The following CNTN5 variants were observed in gnomAD, a reference collection of about 807,000 sequenced individuals.
CNTN5 encodes the protein contactin-5.
A neutral mutation model predicts 129.1 loss-of-function variants in CNTN5; 77 were observed. That is an observed-to-expected ratio of 0.60 (90% CI 0.50 to 0.72). The LOEUF (loss-of-function observed/expected upper bound fraction) is 0.72. Among genes scored for constraint, CNTN5 ranks in the 30% least tolerant of loss-of-function variants. The probability of loss-of-function intolerance (pLI) is 0.00; values close to 1 mark genes in which losing one functional copy is unlikely to be tolerated. For synonymous variants in CNTN5, 509 were observed against 465.6 expected (o/e 1.09, Z -1.20); for missense variants, 1,478 against 1,328.8 (o/e 1.11, Z -1.75).
intron 3 of CNTN5, among the ~76,000 whole-genome samples, chr11:99,763,162 T>A (rs1408364790): frequency 1.3e-5 from 2 of 152,102 alleles, no homozygotes; most frequent in African/African-American, 2.4e-5. Context: ...TTTTTCATAT[T>A]TACTTAAATG....
At chr11:99,473,973 G>A (rs1293152463) in intron 2 of CNTN5, among the ~76,000 whole-genome samples, 1 of 151,950 alleles carries the variant, frequency 6.6e-6, no homozygotes, top group East Asian at 1.9e-4. Context: ...TTTGGCCAGG[G>A]CTACTACTTT....
At chr11:99,031,770 T>G (rs1863386323) in intron 1 of CNTN5, among the ~76,000 whole-genome samples, 1 of 152,138 alleles carries the variant, frequency 6.6e-6, no homozygotes, top group Non-Finnish European at 1.5e-5. Flanking sequence ...CTTTCTTTTT[T>G]TTTTTATTAT....
At chr11:100,287,216 A>G (rs948813454) in intron 18 of CNTN5, among the ~76,000 whole-genome samples, 16 of 152,360 alleles carry the variant, frequency 1.1e-4, no homozygotes, top group Middle Eastern at 3.4e-3. Context: ...TCCCCAATCT[A>G]GCAAGGCAGG....
At chr11:99,156,230 A>G (rs964749398) in intron 1 of CNTN5, among the ~76,000 whole-genome samples, 2 of 152,094 alleles carry the variant, frequency 1.3e-5, no homozygotes, top group Non-Finnish European at 2.9e-5. Context: ...AAGTTGATTA[A>G]GAATGTGCAA....
At chr11:99,922,490 A>C (rs1249926486) in intron 7 of CNTN5, among the ~76,000 whole-genome samples, 1 of 152,218 alleles carries the variant, frequency 6.6e-6, no homozygotes, top group African/African-American at 2.4e-5. Context: ...GATTGATATT[A>C]TGAAATTAGT....
chr11:99,425,784 AG>A (rs1483342268), intron 2 of CNTN5, among the ~76,000 whole-genome samples: 2 of 152,222 alleles, frequency 1.3e-5, no homozygotes, highest in Admixed American at 1.3e-4. Context: ...GGCTCCTGCC[AG>A]CTCAGTAGGG....
chr11:99,621,117 C>T (rs1178149798), intron 3 of CNTN5, among the ~76,000 whole-genome samples: 1 of 151,920 alleles, frequency 6.6e-6, no homozygotes, highest in East Asian at 1.9e-4. Context: ...TTGTAAGGGC[C>T]CTGATAGGAG....
chr11:99,872,830 A>G lies in CNTN5; in HGVS notation c.577+27568A>G, dbSNP rs148660446. ...GTCTGACATACTGTCCTTAATAGCAATCTTAACACTTCTGAATTTTAAATT... is the reference window on the plus strand; with the variant it reads ...GTCTGACATACTGTCCTTAATAGCAGTCTTAACACTTCTGAATTTTAAATT... On this transcript the variant is annotated intron_variant, in intron 6 of 24. Transcript: ENST00000524871. Among the ~76,000 whole-genome samples the G allele has an allele frequency of 2.0e-3, 309 of 152,246 alleles. 3 individuals are homozygous for G. Among genetic ancestry groups the G allele is most frequent in the African/African-American group, 6.9e-3 (287 of 41,566 alleles).
intron 1 of CNTN5, among the ~76,000 whole-genome samples, chr11:99,212,353 C>T (rs1371080837): frequency 6.6e-6 from 1 of 152,060 alleles, no homozygotes; most frequent in African/African-American, 2.4e-5. Flanking sequence ...AAATCTAATC[C>T]CCAGCATGGG....
chr11:99,165,025 T>C (rs1860806677), intron 1 of CNTN5, among the ~76,000 whole-genome samples: 1 of 152,226 alleles, frequency 6.6e-6, no homozygotes, highest in South Asian at 2.1e-4. Context: ...CTTCAATTTT[T>C]TTTTAGTTGT....
chr11:99,764,697 A>G (rs978127060), intron 3 of CNTN5, among the ~76,000 whole-genome samples: 13 of 152,142 alleles, frequency 8.5e-5, no homozygotes, highest in African/African-American at 3.1e-4. Context: ...ATCAATTTTT[A>G]AAAACCATTT....
intron 13 of CNTN5, among the ~76,000 whole-genome samples, chr11:100,110,196 AAAAAGAAAAG>A (rs1194951342): frequency 4.1e-5 from 6 of 145,476 alleles, no homozygotes; most frequent in African/African-American, 1.7e-4. Flanking sequence ...AAAAAAAAAA[AAAAAGAAAAG>A]AAAAAGAAAA....
At chr11:99,569,164 G>A (rs1016999368) in intron 3 of CNTN5, among the ~76,000 whole-genome samples, 2 of 151,968 alleles carry the variant, frequency 1.3e-5, no homozygotes, top group South Asian at 2.1e-4. Flanking sequence ...ATTTTTACAT[G>A]TTTATACAAA....
chr11:99,355,452 T>C (rs1938581982), intron 2 of CNTN5, among the ~76,000 whole-genome samples: 1 of 152,152 alleles, frequency 6.6e-6, no homozygotes, highest in Non-Finnish European at 1.5e-5. Flanking sequence ...CTTTAATCCA[T>C]AAGACCCCTC....
chr11:100,197,222 T>C (rs927085708), intron 15 of CNTN5, among the ~76,000 whole-genome samples: 1 of 151,938 alleles, frequency 6.6e-6, no homozygotes, highest in African/African-American at 2.4e-5. Context: ...GGGTGTATAG[T>C]AGACAATAAG....
At chr11:99,802,225 A>G (rs548570328) in intron 3 of CNTN5, among the ~76,000 whole-genome samples, 4 of 152,152 alleles carry the variant, frequency 2.6e-5, no homozygotes, top group African/African-American at 7.2e-5. Flanking sequence ...AGTTTGTGCT[A>G]TGGGTAAGAG....
At chr11:99,354,906 G>C (rs970631937) in intron 2 of CNTN5, among the ~76,000 whole-genome samples, 2 of 152,090 alleles carry the variant, frequency 1.3e-5, no homozygotes, top group African/African-American at 4.8e-5. Flanking sequence ...ACAGTTTCTG[G>C]CGCTCTTTCC....
At chr11:99,452,699 T>G (rs970305153) in intron 2 of CNTN5, among the ~76,000 whole-genome samples, 1 of 152,088 alleles carries the variant, frequency 6.6e-6, no homozygotes, top group Non-Finnish European at 1.5e-5. Flanking sequence ...CACCAGTTTG[T>G]AGAATGTCCT....
intron 3 of CNTN5, among the ~76,000 whole-genome samples, chr11:99,674,064 A>C (rs1953165937): frequency 1.3e-5 from 2 of 152,114 alleles, no homozygotes. Flanking sequence ...ACTAATTTAC[A>C]CTCACACCAA....
Sources: allele counts gnomAD v4.1 joint callset (sites outside exome capture counted in the v4.1 genomes callset), GRCh38; gene constraint gnomAD v4.1.1; transcripts MANE v1.5; gene names NCBI Gene and HGNC (gene_info 2026-07-23, HGNC 2026-07-21).